The following PRR5L variants were observed in gnomAD, a reference collection of about 807,000 sequenced individuals.
PRR5L encodes proline rich 5 like.
Under a neutral mutation model 36.4 loss-of-function variants are expected in PRR5L, and 21 were observed. The observed-to-expected ratio is 0.58, with a 90% CI of 0.41 to 0.83. PRR5L has a LOEUF of 0.83. Among genes scored for constraint, PRR5L ranks in the 40% least tolerant of loss-of-function variants. The pLI is 0.00. For missense variants in PRR5L, 381 were observed against 473.3 expected, an observed-to-expected ratio of 0.80 and a Z score of 1.81; for synonymous variants, 188 against 197.0, an observed-to-expected ratio of 0.95 and a Z score of 0.38.
intron 1 of PRR5L, among the ~76,000 whole-genome samples, chr11:36,368,394 C>T (rs1326003621): frequency 6.6e-6 from 1 of 152,034 alleles, no homozygotes; most frequent in Non-Finnish European, 1.5e-5. Context: ...ACCTCAAAGT[C>T]CAGTCATGCC....
chr11:36,418,970 G>T (rs1364557992), intron 3 of PRR5L, among the ~76,000 whole-genome samples: 1 of 152,128 alleles, frequency 6.6e-6, no homozygotes, highest in African/African-American at 2.4e-5. Context: ...AAAGTCAGGT[G>T]CCCTGGCCTG....
chr11:36,363,077 C>T (rs549847709), intron 1 of PRR5L, among the ~76,000 whole-genome samples: 2 of 152,326 alleles, frequency 1.3e-5, no homozygotes, highest in African/African-American at 4.8e-5. Flanking sequence ...TCTGCACCCT[C>T]GACCTGTGTG....
At chr11:36,320,626 T>C (rs1408234938) in intron 1 of PRR5L, among the ~76,000 whole-genome samples, 1 of 152,198 alleles carries the variant, frequency 6.6e-6, no homozygotes, top group African/African-American at 2.4e-5. Flanking sequence ...AAGCCCTACC[T>C]GGTAAGGTGG....
At position 36,465,115 on chromosome 11, in the gene PRR5L, G is replaced by GCAAT. The variant is rs1859269954; in HGVS notation, c.*2382_*2385dup. On this transcript the variant is annotated 3_prime_UTR_variant, in exon 9 of 9. Transcript: ENST00000530639. The stretch of plus-strand genomic sequence containing the variant: ...TATGGTTGACATTTGATGACAGGAA[G>GCAAT]CAATCATGACTCTTCAAGTGAGCTC... The GCAAT allele has an allele frequency of 6.6e-6, 1 of 152,136 alleles. No individual in the cohort carries two copies. Among genetic ancestry groups the GCAAT allele is most frequent in the Non-Finnish European group, 1.5e-5 (1 of 68,016 alleles). 9.4% of individuals were successfully genotyped at this position (152,136 alleles called of 1,614,324 possible). A position where few individuals can be genotyped will look rare whatever the true frequency, so the allele number is the denominator to read the frequency against.
chr11:36,388,721 C>CGGA (rs1356841540), intron 1 of PRR5L, among the ~76,000 whole-genome samples: 1 of 42,270 alleles, frequency 2.4e-5, no homozygotes, highest in Non-Finnish European at 6.3e-5. Context: ...TTTTTTGAGA[C>CGGA]GGAGTCTCGC....
chr11:36,425,497 C>T (rs1858362035), intron 4 of PRR5L: 2 of 152,214 alleles, frequency 1.3e-5, no homozygotes, highest in Admixed American at 1.3e-4. Context: ...GCATGTTCAG[C>T]AAGTCAGACA....
At position 36,403,357 on chromosome 11, in the gene PRR5L, A is replaced by G. The variant is rs2133560663; in HGVS notation, c.224A>G (p.Tyr75Cys). ...KGGGLQSNEL[Y>C]ALNENIRRLL... ...GGTGGCTTGCAAAGCAACGAGCTCTATGCCCTGAACGAAAACATCAGGTAT... is the reference window on the plus strand; with the variant it reads ...GGTGGCTTGCAAAGCAACGAGCTCTGTGCCCTGAACGAAAACATCAGGTAT... The change falls in exon 3 of 9, where the codon TAT (tyrosine) becomes TGT (cysteine). Residue 75 changes from tyrosine (Y) to cysteine (C), a missense_variant. Tyr to Cys is a radical substitution (Grantham distance 194, BLOSUM62 -2). Transcript: ENST00000530639. 1 of 1,613,964 alleles carries G rather than the reference A, an allele frequency of 6.2e-7. No homozygotes were observed. The highest frequency in any genetic ancestry group is 1.1e-5 in the South Asian group (1 of 91,076).
At chr11:36,320,239 C>CTTT (rs34085047) in intron 1 of PRR5L, among the ~76,000 whole-genome samples, 14 of 94,892 alleles carry the variant, frequency 1.5e-4, no homozygotes, top group African/African-American at 2.5e-4. Context: ...AACTGGGAAT[C>CTTT]TTTTTTTTTT....
At chr11:36,360,231 A>G (rs1857073001) in intron 1 of PRR5L, among the ~76,000 whole-genome samples, 1 of 152,156 alleles carries the variant, frequency 6.6e-6, no homozygotes. Context: ...AAGTCTACCT[A>G]TTATTAGTGG....
At chr11:36,387,860 T>C (rs1008783955) in intron 1 of PRR5L, among the ~76,000 whole-genome samples, 1 of 152,238 alleles carries the variant, frequency 6.6e-6, no homozygotes, top group Non-Finnish European at 1.5e-5. Flanking sequence ...AAAGTGCTGG[T>C]TGGCCTGGTG....
intron 5 of PRR5L, among the ~76,000 whole-genome samples, chr11:36,434,629 T>G (rs1409722296): frequency 6.6e-6 from 1 of 152,202 alleles, no homozygotes; most frequent in Non-Finnish European, 1.5e-5. Context: ...TCTGGTGACC[T>G]AAACTGCTGC....
intron 4 of PRR5L, among the ~76,000 whole-genome samples, chr11:36,420,244 G>A (rs1858234788): frequency 6.6e-6 from 1 of 152,118 alleles, no homozygotes; most frequent in African/African-American, 2.4e-5. Context: ...CTGCGAAATG[G>A]GACTAAAAAT....
In PRR5L at chr11:36,337,556, CT is replaced by C. The variant is rs1449306601; in HGVS notation, c.-126+41120del. 9.2e-5 allele frequency among the ~76,000 whole-genome samples: 14 copies of C among 152,314 alleles called. No individual in the cohort carries two copies. In the East Asian group the frequency reaches 2.5e-3, roughly 27 times the overall value. On this transcript the variant is annotated intron_variant, in intron 1 of 8. Coordinates refer to ENST00000530639, the MANE Select transcript of PRR5L (RefSeq NM_001160167.2). The stretch of plus-strand genomic sequence containing the variant: ...TTTATGACTTTTTAAAATCCCAATT[CT>C]TAGAATGGTTTTACCTCCAAACAGG...
At chr11:36,356,229 T>G (rs1857026485) in intron 1 of PRR5L, among the ~76,000 whole-genome samples, 1 of 152,182 alleles carries the variant, frequency 6.6e-6, no homozygotes. Context: ...GATCTATTTT[T>G]AAGTATCAAA....
rs1859228833 is a variant in PRR5L, at chr11:36,463,208, C to T, written c.*472C>T. On this transcript the variant is annotated 3_prime_UTR_variant, in exon 9 of 9. Coordinates refer to ENST00000530639, the MANE Select transcript of PRR5L (RefSeq NM_001160167.2). Reference sequence around the variant, plus strand: ...GTGAAAAATTAGTGGAGAGGGAACTCCTCTCCCCCATTTTGTGTAGAGTGA... The same window carrying T: ...GTGAAAAATTAGTGGAGAGGGAACTTCTCTCCCCCATTTTGTGTAGAGTGA... The T allele has an allele frequency of 6.5e-6, 1 of 153,588 alleles. No individual in the cohort carries two copies. Among genetic ancestry groups the T allele is most frequent in the Admixed American group, 6.5e-5 (1 of 15,334 alleles). 9.5% of individuals were successfully genotyped at this position (153,588 alleles called of 1,614,324 possible). A position where few individuals can be genotyped will look rare whatever the true frequency, so the allele number is the denominator to read the frequency against.
chr11:36,392,811 A>C (rs1857589766), intron 1 of PRR5L, among the ~76,000 whole-genome samples: 1 of 152,188 alleles, frequency 6.6e-6, no homozygotes, highest in Non-Finnish European at 1.5e-5. Context: ...TCATGAGAAC[A>C]GCATGGAGGA....
intron 1 of PRR5L, among the ~76,000 whole-genome samples, chr11:36,335,285 G>A (rs1033041749): frequency 1.3e-5 from 2 of 152,012 alleles, no homozygotes; most frequent in South Asian, 2.1e-4. Context: ...GGCTGGTCTC[G>A]AGCTCTTGGG....
intron 1 of PRR5L, among the ~76,000 whole-genome samples, chr11:36,348,145 C>T (rs1856886277): frequency 6.6e-6 from 1 of 152,134 alleles, no homozygotes; most frequent in African/African-American, 2.4e-5. Context: ...GAGTAGTCTT[C>T]TAGTTTGCTC....
intron 3 of PRR5L, among the ~76,000 whole-genome samples, chr11:36,413,722 TTTATTA>T (rs202023235): frequency 1.3e-5 from 2 of 151,428 alleles, no homozygotes; most frequent in South Asian, 2.1e-4. Context: ...TTTATTTTAT[TTTATTA>T]TTATTATACT....
Sources: gnomAD v4.1 joint callset for allele counts (sites outside exome capture counted in the v4.1 genomes callset) on GRCh38, gnomAD v4.1.1 for gene constraint, MANE v1.5 for transcripts, NCBI Gene and HGNC (gene_info 2026-07-23, HGNC 2026-07-21) for gene names.